Variants in EPB41L5 observed in about 807,000 individuals in gnomAD.
EPB41L5 encodes the protein erythrocyte membrane protein band 4.1 like 5.
In EPB41L5, 55 loss-of-function variants were observed where a neutral mutation model predicts 106.6. The observed-to-expected ratio is 0.52, with a 90% CI of 0.42 to 0.65. The LOEUF is 0.65. Among genes scored for constraint, EPB41L5 ranks in the 30% least tolerant of loss-of-function variants. The probability of loss-of-function intolerance (pLI) is 0.00; values close to 1 mark genes in which losing one functional copy is unlikely to be tolerated. For synonymous variants in EPB41L5, 297 were observed against 306.7 expected (o/e 0.97, Z 0.33); for missense variants, 871 against 882.1 (o/e 0.99, Z 0.16).
chr2:120,041,144 A>G (rs1427131489), intron 2 of EPB41L5, among the ~76,000 whole-genome samples: 1 of 150,134 alleles, frequency 6.7e-6, no homozygotes, highest in African/African-American at 2.5e-5. Context: ...AATATAAAAC[A>G]TATTATAAAA....
chr2:120,166,172 G>A (rs1334092964), intron 22 of EPB41L5, among the ~76,000 whole-genome samples: 1 of 151,960 alleles, frequency 6.6e-6, no homozygotes, highest in African/African-American at 2.4e-5. Flanking sequence ...CAAGATTGCT[G>A]GGCCCCACCT....
At chr2:120,057,520 C>A (rs773494979) in intron 3 of EPB41L5, among the ~76,000 whole-genome samples, 1 of 152,108 alleles carries the variant, frequency 6.6e-6, no homozygotes, top group Non-Finnish European at 1.5e-5. Context: ...AATTTAGTAA[C>A]CCTTCTTTAG....
intron 10 of EPB41L5, among the ~76,000 whole-genome samples, chr2:120,083,542 A>G (rs1304369129): frequency 2.0e-5 from 3 of 152,156 alleles, no homozygotes; most frequent in African/African-American, 7.2e-5. Context: ...CAGTTTTGGA[A>G]TAAGTGCAAT....
intron 11 of EPB41L5, among the ~76,000 whole-genome samples, chr2:120,090,040 A>G (rs1574641704): frequency 1.3e-5 from 2 of 152,026 alleles, no homozygotes; most frequent in East Asian, 3.9e-4. Context: ...CAGATCTGAT[A>G]TGATTCCTCA....
At chr2:120,114,030 A>G (rs920833339) in intron 16 of EPB41L5, among the ~76,000 whole-genome samples, 1 of 152,244 alleles carries the variant, frequency 6.6e-6, no homozygotes, top group African/African-American at 2.4e-5. Context: ...TTATTGGGTC[A>G]TATAGTAACT....
chr2:120,143,159 G>C (rs959523719), intron 19 of EPB41L5, 28 bp downstream of exon 19: 4 of 1,542,090 alleles, frequency 2.6e-6, no homozygotes, highest in Non-Finnish European at 3.5e-6. Flanking sequence ...GATAGCCCTG[G>C]TGAAGTGAAA....
chr2:120,071,044 G>A (rs960399364), intron 3 of EPB41L5, among the ~76,000 whole-genome samples: 1 of 152,160 alleles, frequency 6.6e-6, no homozygotes, highest in African/African-American at 2.4e-5. Flanking sequence ...GAGGAAGTCA[G>A]ATTGCCTCTG....
intron 2 of EPB41L5, among the ~76,000 whole-genome samples, chr2:120,037,937 A>G (rs1028423435): frequency 2.6e-5 from 4 of 152,244 alleles, no homozygotes; most frequent in African/African-American, 7.2e-5. Flanking sequence ...TATAAAATTC[A>G]TAGAAGAAAA....
intron 24 of EPB41L5, 100 bp from the exon 25 acceptor site, chr2:120,174,741 C>A: frequency 1.0e-6 from 1 of 986,350 alleles, no homozygotes; most frequent in Non-Finnish European, 1.6e-6. Context: ...CTGTAATCTG[C>A]TGTACCCTCA....
In EPB41L5 at chr2:120,104,248, G is replaced by A. The variant is rs780801462; in HGVS notation, c.1337+3434G>A. On this transcript the variant is annotated intron_variant, in intron 16 of 24. Coordinates refer to ENST00000263713, the MANE Select transcript of EPB41L5 (RefSeq NM_020909.4). The stretch of plus-strand genomic sequence containing the variant: ...GCCATGACTGAGATATGAGTGTTGA[G>A]CCTCTTAGGCTTTGGGACTCTTTGT... 23 of 1,533,304 alleles carry A rather than the reference G, an allele frequency of 1.5e-5. No homozygotes were observed. In the South Asian group the frequency reaches 2.5e-4, roughly 17 times the overall value. 95.0% of individuals were successfully genotyped at this position (1,533,304 alleles called of 1,614,324 possible). A position where few individuals can be genotyped will look rare whatever the true frequency, so the allele number is the denominator to read the frequency against.
chr2:120,064,311 C>G lies in EPB41L5; in HGVS notation c.286-8867C>G, dbSNP rs370674161. Among the ~76,000 whole-genome samples the G allele has an allele frequency of 5.0e-4, 76 of 152,314 alleles. 4 individuals carry two copies. The South Asian group carries it at 0.015, about 30-fold the overall frequency. On this transcript the variant is annotated intron_variant, in intron 3 of 24. Coordinates refer to ENST00000263713, the MANE Select transcript of EPB41L5 (RefSeq NM_020909.4). Reference sequence around the variant, plus strand: ...GGCAATTGGTTTGAAAGATGGTTAACATTTCTCTACTATAAGCTCTTTTGT... The same window carrying G: ...GGCAATTGGTTTGAAAGATGGTTAAGATTTCTCTACTATAAGCTCTTTTGT...
chr2:120,155,606 C>T (rs1019041520), intron 20 of EPB41L5, among the ~76,000 whole-genome samples: 1 of 152,036 alleles, frequency 6.6e-6, no homozygotes, highest in Non-Finnish European at 1.5e-5. Context: ...TTCTCTTCTC[C>T]TTATAGAACT....
intron 14 of EPB41L5, among the ~76,000 whole-genome samples, chr2:120,098,876 C>A (rs748533173): frequency 6.6e-6 from 1 of 152,222 alleles, no homozygotes; most frequent in Non-Finnish European, 1.5e-5. Flanking sequence ...ATCCTCTATT[C>A]AGAGGTTGTG....
At chr2:120,054,991 C>T (rs1680548829) in intron 3 of EPB41L5, among the ~76,000 whole-genome samples, 1 of 151,798 alleles carries the variant, frequency 6.6e-6, no homozygotes, top group Non-Finnish European at 1.5e-5. Flanking sequence ...CTCAGCCTCC[C>T]AAGCAGCTGG....
Position 120,078,724 on chromosome 2 carries a change from C to G in EPB41L5, c.803+143C>G. The G allele has an allele frequency of 9.2e-6, 5 of 544,100 alleles. No individual in the cohort carries two copies. In the South Asian group the frequency reaches 1.1e-4, roughly 12 times the overall value. 33.7% of individuals were successfully genotyped at this position (544,100 alleles called of 1,614,324 possible). A position where few individuals can be genotyped will look rare whatever the true frequency, so the allele number is the denominator to read the frequency against. On this transcript the variant is annotated intron_variant, in intron 10 of 24. Coordinates refer to ENST00000263713, the MANE Select transcript of EPB41L5 (RefSeq NM_020909.4). ...GCAACTGTCTCCTGTCACACTATTA[C>G]GCATCATTATTCCTACTCTCCAGAG...
At chr2:120,024,661 G>A (rs1214208753) in intron 2 of EPB41L5, among the ~76,000 whole-genome samples, 3 of 152,022 alleles carry the variant, frequency 2.0e-5, no homozygotes, top group South Asian at 2.1e-4. Flanking sequence ...GGGTTTCACC[G>A]TGTTACCCAG....
At chr2:120,035,695 G>A (rs1487284599) in intron 2 of EPB41L5, among the ~76,000 whole-genome samples, 3 of 152,038 alleles carry the variant, frequency 2.0e-5, no homozygotes, top group Non-Finnish European at 4.4e-5. Flanking sequence ...AAAAATTGTT[G>A]AATAAATCAA....
chr2:120,120,587 T>G (rs1685172271), intron 16 of EPB41L5, among the ~76,000 whole-genome samples: 1 of 151,954 alleles, frequency 6.6e-6, no homozygotes, highest in African/African-American at 2.4e-5. Context: ...TGTAAACAGG[T>G]GCTTTTTTTA....
intron 2 of EPB41L5, among the ~76,000 whole-genome samples, chr2:120,039,182 A>G (rs1443529501): frequency 1.3e-5 from 2 of 152,144 alleles, no homozygotes; most frequent in African/African-American, 2.4e-5. Context: ...CAAGAGGACA[A>G]ATACTGTTAT....
Sources: gnomAD v4.1 joint callset for allele counts (sites outside exome capture counted in the v4.1 genomes callset) on GRCh38, gnomAD v4.1.1 for gene constraint, MANE v1.5 for transcripts, NCBI Gene and HGNC (gene_info 2026-07-23, HGNC 2026-07-21) for gene names.